Variants in MED16 observed in about 807,000 individuals in gnomAD.
The protein encoded by MED16 is mediator of RNA polymerase II transcription subunit 16.
In MED16, 81 loss-of-function variants were observed where a neutral mutation model predicts 84.4. The observed-to-expected ratio is 0.96, with a 90% CI of 0.80 to 1.15. MED16 has a LOEUF of 1.15. MED16 is among the 50% of genes most tolerant of loss of function. MED16 has a pLI of 0.00. For missense variants in MED16, 1,585 were observed against 1,245.9 expected (o/e 1.27, Z -4.10); for synonymous variants, 897 against 552.2 (o/e 1.62, Z -8.76).
intron 7 of MED16, 61 bp from the exon 8 acceptor site, chr19:880,209 G>T (rs552623587): frequency 3.4e-6 from 5 of 1,478,640 alleles, no homozygotes; most frequent in Non-Finnish European, 3.6e-6. Context: ...GCCGGGGGAG[G>T]GGCCTCCTGC....
rs2036382653 is a variant in MED16, at chr19:879,992, G to A, written c.1298C>T (p.Ala433Val). 1.2e-6 allele frequency: 2 copies of A among 1,609,802 alleles called. No individual in the cohort carries two copies. The highest frequency in any genetic ancestry group is 1.7e-6 in the Non-Finnish European group (2 of 1,178,594). The change falls in exon 8 of 16, where the codon GCT becomes GTT. Residue 433 changes from alanine (A) to valine (V), a missense_variant. Physicochemically the swap from Ala to Val is moderately conservative, Grantham distance 64. Transcript: ENST00000325464. ...RTAGPAVHLK[A>V]MQLSWTSLAL... The stretch of plus-strand genomic sequence containing the variant: ...CAGTGACGTCCACGATAGCTGCATA[G>A]CCTTTAAGTGGACGGCGGGGCCCGC...
At position 880,014 on chromosome 19, in the gene MED16, C is replaced by A; in HGVS notation, c.1276G>T (p.Gly426Cys). ...ATAGCCTTTAAGTGGACGGCGGGGCCCGCGGTGCGGGGGCGCTTCATGGCC... is the reference window on the plus strand; with the variant it reads ...ATAGCCTTTAAGTGGACGGCGGGGCACGCGGTGCGGGGGCGCTTCATGGCC... ...EPAMKRPRTAGPAVHLKAMQL... is the reference protein window; with the variant it reads ...EPAMKRPRTACPAVHLKAMQL... The change falls in exon 8 of 16, where the codon GGC becomes TGC. Residue 426 changes from glycine to cysteine, a missense_variant. Coordinates refer to ENST00000325464, the MANE Select transcript of MED16 (RefSeq NM_005481.3). 1 of 1,610,388 alleles carries A rather than the reference C, an allele frequency of 6.2e-7. No homozygotes were observed. The highest frequency in any genetic ancestry group is 2.2e-5 in the East Asian group (1 of 44,826).
rs778512018 is a variant in MED16, at chr19:880,041, G to C, written c.1249C>G (p.Pro417Ala). 5.0e-6 allele frequency: 8 copies of C among 1,610,866 alleles called. No homozygotes were observed. The South Asian group carries it at 8.8e-5, about 18-fold the overall frequency. Residue 417 changes from proline (P) to alanine (A), a missense_variant, in exon 8 of 16, where the codon CCG (proline) becomes GCG (alanine). By Grantham distance (27) the Pro-to-Ala change is conservative. Transcript: ENST00000325464. ...GCGGTGCGGGGGCGCTTCATGGCCG[G>C]CTCATCCACAGGCCTCGGGGCCGCG... ...SSAAPRPVDE[P>A]AMKRPRTAGP...
In MED16 at chr19:887,110, GTC is replaced by G. The variant is rs1362175553; in HGVS notation, c.448-911_448-910del. ...CAAAAAAAAAAAGAACAAGAAAAAT[GTC>G]TCTACGTTGTGAAAAAATGCGAGGA... On this transcript the variant is annotated intron_variant, in intron 4 of 15. Coordinates refer to ENST00000325464, the MANE Select transcript of MED16 (RefSeq NM_005481.3). Among the ~76,000 whole-genome samples, 6 of 151,972 alleles carry G rather than the reference GTC, an allele frequency of 3.9e-5. No homozygotes were observed. The East Asian group carries it at 1.2e-3, about 29-fold the overall frequency.
In MED16 at chr19:880,101, G is replaced by C. The variant is rs1007902715; in HGVS notation, c.1189C>G (p.Leu397Val). 1 of 1,610,680 alleles carries C rather than the reference G, an allele frequency of 6.2e-7. No individual in the cohort carries two copies. The highest frequency in any genetic ancestry group is 2.2e-5 in the East Asian group (1 of 44,862). ...AAGACGGCCATGGTCTGCAGTGAGA[G>C]CCGGTGCACGATGTGGACGCTGCCG... ...HDGSVHIVHR[L>V]SLQTMAVFYS... Residue 397 changes from leucine (L) to valine (V), a missense_variant, in exon 8 of 16, where the codon CTC (leucine) becomes GTC (valine). Physicochemically the swap from Leu to Val is conservative, Grantham distance 32 (BLOSUM62 1). Transcript: ENST00000325464.
chr19:872,290 G>A (rs929782500), intron 11 of MED16, among the ~76,000 whole-genome samples, 172 bp from the exon 12 acceptor site: 11 of 151,946 alleles, frequency 7.2e-5, no homozygotes, highest in South Asian at 2.1e-4. Context: ...TGCCGGGGAC[G>A]CTGCTCAGAG....
intron 14 of MED16, among the ~76,000 whole-genome samples, 165 bp from the exon 15 acceptor site, chr19:868,664 C>G (rs866928944): frequency 2.0e-5 from 3 of 152,108 alleles, no homozygotes; most frequent in Non-Finnish European, 2.9e-5. Flanking sequence ...CTCCTCCCCC[C>G]AGCAATGCTG....
chr19:881,676 G>A lies in MED16; in HGVS notation c.1024C>T (p.Leu342=), dbSNP rs1303241097. 4 of 1,612,134 alleles carry A rather than the reference G, an allele frequency of 2.5e-6. No individual in the cohort carries two copies. Among genetic ancestry groups the A allele is most frequent in the Admixed American group, 1.7e-5 (1 of 59,854 alleles). The change falls in exon 7 of 16, where the codon CTA becomes TTA. Residue 342 remains leucine, a synonymous_variant. Transcript: ENST00000325464. Reference sequence around the variant, plus strand: ...CGGTCCAGATCGTTGGTGGCCGATAGGATCCGCCATTTGAGAATTGTGGGC... The same window carrying A: ...CGGTCCAGATCGTTGGTGGCCGATAAGATCCGCCATTTGAGAATTGTGGGC... ...KQPTILKWRI[L]SATNDLDRVS...
At chr19:878,478 C>G (rs56142163) in intron 8 of MED16, among the ~76,000 whole-genome samples, 8 of 150,312 alleles carry the variant, frequency 5.3e-5, no homozygotes, top group African/African-American at 2.0e-4. Flanking sequence ...AGCTCACCTT[C>G]CCCTGGCTGT....
chr19:884,389 GGGGGCCCCAGAAGA>G (rs1328934268), intron 6 of MED16, among the ~76,000 whole-genome samples: 1 of 151,598 alleles, frequency 6.6e-6, no homozygotes, highest in African/African-American at 2.4e-5. Context: ...AGATGGGAAT[GGGGGCCCCAGAAGA>G]GGCTGCTGGA....
At chr19:892,986 C>T (rs1447046716) in intron 1 of MED16, 100 bp downstream of exon 1, 1 of 152,504 alleles carries the variant, frequency 6.6e-6, no homozygotes, top group Non-Finnish European at 1.5e-5. Flanking sequence ...ACGCCCCCGA[C>T]CCCGCAGGCC....
At chr19:870,822 G>C in intron 13 of MED16, among the ~76,000 whole-genome samples, 1 of 144,036 alleles carries the variant, frequency 6.9e-6, no homozygotes, top group Non-Finnish European at 1.5e-5. Flanking sequence ...GGAGGGAGCC[G>C]TGTGGATTCG....
At chr19:875,501 C>A (rs1235741072) in intron 9 of MED16, 47 bp from the exon 10 acceptor site, 3 of 1,455,230 alleles carry the variant, frequency 2.1e-6, no homozygotes, top group Non-Finnish European at 2.8e-6. Context: ...AGCAGAGGCG[C>A]CCGCCAAGGC....
chr19:882,160 C>A (rs1038477616), intron 6 of MED16, among the ~76,000 whole-genome samples: 3 of 152,248 alleles, frequency 2.0e-5, no homozygotes, highest in African/African-American at 4.8e-5. Context: ...TGCGTGAAGA[C>A]GCAGCTCCTC....
At chr19:873,334 ACTCCAACTAGGGG>A in intron 11 of MED16, 102 bp downstream of exon 11, 1 of 299,766 alleles carries the variant, frequency 3.3e-6, no homozygotes, top group Non-Finnish European at 4.5e-6. Flanking sequence ...TAGGGGCGGG[ACTCCAACTAGGGG>A]CGGGGCTGAG....
At position 877,182 on chromosome 19, in the gene MED16, T is replaced by G; in HGVS notation, c.1354-2A>C. ...AGGTGAGAGGCGGAGCACGCTCAGCTGCCAGAGACAGAGCCCAAGGAGAGC... is the reference window on the plus strand; with the variant it reads ...AGGTGAGAGGCGGAGCACGCTCAGCGGCCAGAGACAGAGCCCAAGGAGAGC... On this transcript the variant is annotated splice_acceptor_variant, in intron 8 of 15. Transcript: ENST00000325464. LOFTEE classifies it high-confidence loss of function. The G allele has an allele frequency of 6.2e-7, 1 of 1,606,308 alleles. No individual in the cohort carries two copies. The highest frequency in any genetic ancestry group is 8.5e-7 in the Non-Finnish European group (1 of 1,177,798).
chr19:873,669 T>C (rs907615222), intron 10 of MED16, 87 bp from the exon 11 acceptor site: 3 of 1,488,188 alleles, frequency 2.0e-6, no homozygotes, highest in Admixed American at 3.4e-5. Context: ...CGACCTGCAC[T>C]GAGTGCCCAC....
intron 13 of MED16, among the ~76,000 whole-genome samples, chr19:869,955 C>G (rs910568477): frequency 1.3e-5 from 2 of 152,118 alleles, no homozygotes; most frequent in Non-Finnish European, 2.9e-5. Context: ...GTTTCCTCAC[C>G]GTGAAATGGG....
rs532917687 is a variant in MED16, at chr19:871,142, C to T, written c.2210G>A (p.Gly737Asp). Reference sequence around the variant, plus strand: ...CTTGGGCTGCAGGCGGCTAACCAGGCCGTCGCTGGCTGGCAGCCAGTCCAG... The same window carrying T: ...CTTGGGCTGCAGGCGGCTAACCAGGTCGTCGCTGGCTGGCAGCCAGTCCAG... The part of the protein sequence containing the change: ...PSLDWLPASD[G>D]LVSRLQPKQP... The change falls in exon 13 of 16, where the codon GGC becomes GAC. Residue 737 changes from glycine to aspartate, a missense_variant. Coordinates refer to ENST00000325464, the MANE Select transcript of MED16 (RefSeq NM_005481.3). 1.9e-6 allele frequency: 3 copies of T among 1,548,188 alleles called. No homozygotes were observed. The highest frequency in any genetic ancestry group is 2.4e-5 in the East Asian group (1 of 40,912).
Sources: gnomAD v4.1 joint callset for allele counts (sites outside exome capture counted in the v4.1 genomes callset) on GRCh38, gnomAD v4.1.1 for gene constraint, MANE v1.5 for transcripts, NCBI Gene and HGNC (gene_info 2026-07-23, HGNC 2026-07-21) for gene names.